Variants in COQ4 observed in about 807,000 individuals in gnomAD.
COQ4 encodes coenzyme Q4.
COQ4 carries 36 observed loss-of-function variants against 30.2 expected under a neutral mutation model. The observed-to-expected ratio is 1.19, with a 90% CI of 0.91 to 1.57. The LOEUF is 1.57. Among genes scored for constraint, COQ4 ranks in the 40% most tolerant of loss-of-function variants. The pLI, the probability that COQ4 is intolerant of heterozygous loss-of-function variation, is 0.00. For synonymous variants in COQ4, 197 were observed against 161.0 expected (o/e 1.22, Z -1.69); for missense variants, 369 against 371.9 (o/e 0.99, Z 0.07).
intron 2 of COQ4, 47 bp downstream of exon 2, chr9:128,323,194 T>C (rs538421000): frequency 1.3e-6 from 2 of 1,521,590 alleles, no homozygotes; most frequent in South Asian, 1.2e-5. Context: ...TTGGAGCCGT[T>C]TCCTGTGGGT....
chr9:128,332,556 T>G, intron 5 of COQ4: 1 of 582,860 alleles, frequency 1.7e-6, no homozygotes, highest in Non-Finnish European at 3.1e-6. Flanking sequence ...CCTCAGTAGC[T>G]CCCTAAGGCC....
chr9:128,327,895 T>TAAC lies in COQ4; in HGVS notation c.402+2015_402+2016insACA, dbSNP rs1002294788. ...GCCTGCCTTTGTGGAACTTACATTC[T>TAAC]AGCAGCTATGAAGAGAACAAGTTAG... On this transcript the variant is annotated intron_variant, in intron 4 of 6. Coordinates refer to ENST00000300452, the MANE Select transcript of COQ4 (RefSeq NM_016035.5). Among the ~76,000 whole-genome samples the TAAC allele has an allele frequency of 6.8e-4, 104 of 152,362 alleles. 1 individual carries two copies. The highest frequency in any genetic ancestry group is 6.8e-3 in the Middle Eastern group (2 of 294).
intron 2 of COQ4, chr9:128,323,353 A>G (rs1832250309): frequency 1.7e-6 from 1 of 581,906 alleles, no homozygotes; most frequent in Admixed American, 3.5e-5. Context: ...TGGGCGTGAA[A>G]CCGAAAGTCT....
intron 5 of COQ4, 165 bp downstream of exon 5, chr9:128,332,447 C>T: frequency 1.4e-6 from 1 of 731,444 alleles, no homozygotes; most frequent in Non-Finnish European, 2.2e-6. Context: ...CCTTCTTTCT[C>T]CCACTGCCCC....
chr9:128,332,913 C>G lies in COQ4; in HGVS notation c.596C>G (p.Ala199Gly), dbSNP rs1320250871. The stretch of plus-strand genomic sequence containing the variant: ...GGCCTGCCCATGTGCATCCTGGGTG[C>G]ATTCTTTGGACCGATCCGACTTGGC... The part of the protein sequence containing the change: ...QTGLPMCILG[A>G]FFGPIRLGAQ... Residue 199 changes from alanine to glycine, a missense_variant, in exon 6 of 7, where the codon GCA becomes GGA. Transcript: ENST00000300452. The G allele has an allele frequency of 6.2e-7, 1 of 1,614,142 alleles. No homozygotes were observed. The highest frequency in any genetic ancestry group is 2.2e-5 in the East Asian group (1 of 44,886).
At position 128,325,127 on chromosome 9, in the gene COQ4, G is replaced by C. The variant is rs774951618; in HGVS notation, c.203-16G>C. 1.2e-6 allele frequency: 2 copies of C among 1,603,386 alleles called. No homozygotes were observed. Among genetic ancestry groups the C allele is most frequent in the South Asian group, 1.1e-5 (1 of 90,458 alleles). ...AAGATGACATCCCCCATTTGTGCCC[G>C]TTTCTGTCCTTTCAGACATGGTCGC... On this transcript the variant is annotated splice_polypyrimidine_tract_variant and intron_variant, in intron 2 of 6. Transcript: ENST00000300452.
Position 128,332,219 on chromosome 9 carries a change from C to A in COQ4, c.469C>A (p.Gln157Lys), listed in dbSNP as rs1045118320. The A allele has an allele frequency of 2.5e-6, 4 of 1,612,320 alleles. No homozygotes were observed. The highest frequency in any genetic ancestry group is 2.5e-6 in the Non-Finnish European group (3 of 1,179,428). Reference protein sequence around the residue: ...VDDEELAYVIQRYREVHDMLH... With the variant: ...VDDEELAYVIKRYREVHDMLH... The stretch of plus-strand genomic sequence containing the variant: ...TGATGAGGAGCTAGCGTATGTGATT[C>A]AGCGGTACCGGGAGGTGCACGACAT... Residue 157 changes from glutamine to lysine, a missense_variant, in exon 5 of 7, where the codon CAG (glutamine) becomes AAG (lysine). Transcript: ENST00000300452.
rs1430294366 is a variant in COQ4, at chr9:128,333,772, T to G, written c.*127T>G. 1 of 933,630 alleles carries G rather than the reference T, an allele frequency of 1.1e-6. No homozygotes were observed. The highest frequency in any genetic ancestry group is 1.7e-5 in the African/African-American group (1 of 58,090). 57.8% of individuals were successfully genotyped at this position (933,630 alleles called of 1,614,324 possible). A position where few individuals can be genotyped will look rare whatever the true frequency, so the allele number is the denominator to read the frequency against. On this transcript the variant is annotated 3_prime_UTR_variant, in exon 7 of 7. Coordinates refer to ENST00000300452, the MANE Select transcript of COQ4 (RefSeq NM_016035.5). ...ACCCTTGGACAACATTTATCATAATTTGTCATAACCACTGCTGAGTGGCCT... is the reference window on the plus strand; with the variant it reads ...ACCCTTGGACAACATTTATCATAATGTGTCATAACCACTGCTGAGTGGCCT...
At chr9:128,333,375 G>A in intron 6 of COQ4, 99 bp from the exon 7 acceptor site, 2 of 1,088,478 alleles carry the variant, frequency 1.8e-6, no homozygotes, top group Non-Finnish European at 2.6e-6. Context: ...TCCTTCCGAG[G>A]CCTTTGTGAG....
In COQ4 at chr9:128,325,776, C is replaced by G; in HGVS notation, c.300-3C>G. ...CTCCCAATGCCCAAGTCTTGCCTTT[C>G]AGGGAGCGTCCCCGGATTTCGACAT... On this transcript the variant is annotated splice_region_variant and splice_polypyrimidine_tract_variant and intron_variant, in intron 3 of 6. Coordinates refer to ENST00000300452, the MANE Select transcript of COQ4 (RefSeq NM_016035.5). 6.2e-7 allele frequency: 1 copy of G among 1,613,424 alleles called. No homozygotes were observed. The highest frequency in any genetic ancestry group is 1.7e-5 in the Admixed American group (1 of 59,970).
At chr9:128,328,429 AAC>A (rs1479412578) in intron 4 of COQ4, among the ~76,000 whole-genome samples, 27 of 152,162 alleles carry the variant, frequency 1.8e-4, no homozygotes, top group Non-Finnish European at 3.7e-4. Context: ...GTTGCCCTAG[AAC>A]AGTTTCTCAA....
rs1222731607 is a variant in COQ4 at position 128,322,995 on chromosome 9, G to C, written c.71-21G>C. 3 of 1,610,158 alleles carry C rather than the reference G, an allele frequency of 1.9e-6. No homozygotes were observed. The South Asian group carries it at 3.3e-5, about 18-fold the overall frequency. ...GAGGGCGCCCGGCTCCTCTGACCTC[G>C]GCCTTTTTCTTGCCCCGCAGAAATG... is the stretch of plus-strand genomic sequence containing the variant. On this transcript the variant is annotated intron_variant, in intron 1 of 6. Transcript: ENST00000300452.
At chr9:128,322,982 C>T (rs1271873405) in intron 1 of COQ4, 34 bp from the exon 2 acceptor site, 2 of 1,607,876 alleles carry the variant, frequency 1.2e-6, no homozygotes, top group East Asian at 2.2e-5. Flanking sequence ...GGGCGCCCGG[C>T]TCCTCTGACC....
chr9:128,322,891 G>A lies in COQ4; in HGVS notation c.33G>A (p.Arg11=). ...CTCTGCTGCGCCCTGTCCTCCGTCGGCTCTGCGGGCTCCCGGGCCTACAGC... is the reference window on the plus strand; with the variant it reads ...CTCTGCTGCGCCCTGTCCTCCGTCGACTCTGCGGGCTCCCGGGCCTACAGC... The part of the protein sequence containing the change: MATLLRPVLR[R]LCGLPGLQRP... Residue 11 remains arginine (R), a synonymous_variant, in exon 1 of 7, where the codon CGG becomes CGA. Transcript: ENST00000300452. 1 of 1,590,578 alleles carries A rather than the reference G, an allele frequency of 6.3e-7. No individual in the cohort carries two copies. The highest frequency in any genetic ancestry group is 8.5e-7 in the Non-Finnish European group (1 of 1,172,738).
At chr9:128,328,697 C>T (rs750813535) in intron 4 of COQ4, among the ~76,000 whole-genome samples, 16 of 152,184 alleles carry the variant, frequency 1.1e-4, no homozygotes, top group Non-Finnish European at 1.8e-4. Flanking sequence ...GCTACCTTGA[C>T]GGGGCGATCA....
chr9:128,323,579 C>G (rs545162307), intron 2 of COQ4: 1 of 397,396 alleles, frequency 2.5e-6, no homozygotes, highest in African/African-American at 2.1e-5. Context: ...GGATGTGTGA[C>G]TAGAACATTC....
rs1411762862 is a variant in COQ4 at position 128,332,940 on chromosome 9, CTCAG to C, written c.625_626+2del. ...TTCTTTGGACCGATCCGACTTGGCG[CTCAG>C]TAAGTTTTCAAGTGGTAGCTGGGTC... On this transcript the variant is annotated splice_donor_variant and coding_sequence_variant, in exon 6 of 7. Transcript: ENST00000300452. LOFTEE classifies it high-confidence loss of function. The C allele has an allele frequency of 6.2e-7, 1 of 1,613,372 alleles. No homozygotes were observed. The highest frequency in any genetic ancestry group is 1.3e-5 in the African/African-American group (1 of 74,904).
rs3003601 is a variant in COQ4, at chr9:128,323,094, G to T, written c.149G>T (p.Gly50Val). 7 of 1,611,808 alleles carry T rather than the reference G, an allele frequency of 4.3e-6. No individual in the cohort carries two copies. The South Asian group carries it at 6.6e-5, about 15-fold the overall frequency. The part of the protein sequence containing the change: ...HHLPTSPLQK[G>V]LLAAGSAAMA... Reference sequence around the variant, plus strand: ...CTCCCCACCTCCCCGCTGCAGAAAGGGCTGTTGGCCGCCGGCTCCGCGGCG... The same window carrying T: ...CTCCCCACCTCCCCGCTGCAGAAAGTGCTGTTGGCCGCCGGCTCCGCGGCG... The change falls in exon 2 of 7, where the codon GGG (glycine) becomes GTG (valine). Residue 50 changes from glycine to valine, a missense_variant. By Grantham distance (109) the Gly-to-Val change is moderately radical. Transcript: ENST00000300452.
chr9:128,332,098 A>G, intron 4 of COQ4, 55 bp from the exon 5 acceptor site: 1 of 1,538,124 alleles, frequency 6.5e-7, no homozygotes, highest in East Asian at 2.5e-5. Flanking sequence ...CAGACTGGCA[A>G]ATCGGGCCCT....
Sources: allele counts gnomAD v4.1 joint callset (sites outside exome capture counted in the v4.1 genomes callset), GRCh38; gene constraint gnomAD v4.1.1; transcripts MANE v1.5; gene names NCBI Gene and HGNC (gene_info 2026-07-23, HGNC 2026-07-21).